The following ATP2C2 variants were observed in gnomAD, a reference collection of about 807,000 sequenced individuals.
ATP2C2 encodes the protein ATPase secretory pathway Ca2+ transporting 2, also known as calcium-transporting ATPase type 2C member 2.
In ATP2C2, 171 loss-of-function variants were observed where a neutral mutation model predicts 110.8. That is an observed-to-expected ratio of 1.54 (90% CI 1.36 to 1.75). The LOEUF (loss-of-function observed/expected upper bound fraction) is 1.75, where lower values mean the gene tolerates loss of function less well. Among genes scored for constraint, ATP2C2 ranks in the 40% most tolerant of loss-of-function variants. The probability of loss-of-function intolerance (pLI) is 0.00; values close to 1 mark genes in which losing one functional copy is unlikely to be tolerated. For missense variants in ATP2C2, 1,963 were observed against 1,235.0 expected, an observed-to-expected ratio of 1.59 and a Z score of -8.84; for synonymous variants, 804 against 508.4, an observed-to-expected ratio of 1.58 and a Z score of -7.82.
chr16:84,461,538 A>T, intron 24 of ATP2C2, 176 bp from the exon 25 acceptor site: 1 of 676,062 alleles, frequency 1.5e-6, no homozygotes. Flanking sequence ...TGCTGGGGAG[A>T]CCCTGGGGTA....
rs370106020 is a variant in ATP2C2 at position 84,451,888 on chromosome 16, G to A, written c.1661-33G>A. The A allele has an allele frequency of 7.7e-4, 1,216 of 1,587,776 alleles. 19 individuals carry two copies. The South Asian group carries it at 0.01, about 14-fold the overall frequency. On this transcript the variant is annotated intron_variant, in intron 17 of 26. Coordinates refer to ENST00000262429, the MANE Select transcript of ATP2C2 (RefSeq NM_014861.4). ...AAAAAACGACGGCCCCTAAGCCCCCGGTGACCCCTCCTTACTCCCCCTCTC... is the reference window on the plus strand; with the variant it reads ...AAAAAACGACGGCCCCTAAGCCCCCAGTGACCCCTCCTTACTCCCCCTCTC...
At chr16:84,455,222 T>C (rs111322641) in intron 21 of ATP2C2, among the ~76,000 whole-genome samples, 25 of 151,996 alleles carry the variant, frequency 1.6e-4, no homozygotes, top group African/African-American at 6.0e-4. Flanking sequence ...CCCAGGGGAA[T>C]GTTACGGATA....
chr16:84,418,680 G>A (rs1465618015), intron 7 of ATP2C2, among the ~76,000 whole-genome samples: 1 of 152,114 alleles, frequency 6.6e-6, no homozygotes, highest in African/African-American at 2.4e-5. Context: ...ACATGACCCC[G>A]GGCCTCTAGC....
At chr16:84,428,704 G>GAA (rs138468430) in intron 11 of ATP2C2, among the ~76,000 whole-genome samples, 1 of 150,558 alleles carries the variant, frequency 6.6e-6, no homozygotes, top group African/African-American at 2.4e-5. Context: ...TTCCCTTAAA[G>GAA]AAAAAAAAAT....
At chr16:84,461,681 GCCTAA>G (rs1567468798) in intron 24 of ATP2C2, 28 bp from the exon 25 acceptor site, 1 of 1,590,162 alleles carries the variant, frequency 6.3e-7, no homozygotes, top group Admixed American at 1.7e-5. Flanking sequence ...GTCTCTTCCC[GCCTAA>G]CCTCTCACCT....
In ATP2C2 at chr16:84,410,784, G is replaced by C. The variant is rs762786668; in HGVS notation, c.515+19G>C. 5 of 1,610,928 alleles carry C rather than the reference G, an allele frequency of 3.1e-6. No individual in the cohort carries two copies. The South Asian group carries it at 5.5e-5, about 18-fold the overall frequency. On this transcript the variant is annotated intron_variant, in intron 6 of 26. Coordinates refer to ENST00000262429, the MANE Select transcript of ATP2C2 (RefSeq NM_014861.4). The stretch of plus-strand genomic sequence containing the variant: ...GTAACTGGTAAGTCAGAGCCTCCCT[G>C]GGACTTTTTGGTTCACTGGAGGAGC...
At chr16:84,454,630 A>G (rs1357382030) in intron 20 of ATP2C2, among the ~76,000 whole-genome samples, 188 bp from the exon 21 acceptor site, 1 of 152,160 alleles carries the variant, frequency 6.6e-6, no homozygotes, top group African/African-American at 2.4e-5. Context: ...CACTTTGCAG[A>G]TAGGGAAACT....
At chr16:84,439,832 T>C (rs1214889048) in intron 13 of ATP2C2, among the ~76,000 whole-genome samples, 2 of 152,138 alleles carry the variant, frequency 1.3e-5, no homozygotes, top group Non-Finnish European at 2.9e-5. Context: ...AGTCCATTTG[T>C]GGTTTGTTTG....
chr16:84,438,383 G>A (rs1238793991), intron 11 of ATP2C2, among the ~76,000 whole-genome samples: 1 of 152,168 alleles, frequency 6.6e-6, no homozygotes, highest in Non-Finnish European at 1.5e-5. Context: ...GGGCCAGTCA[G>A]CCCCGATGTT....
At chr16:84,452,497 C>CTTTTTTTTTTT (rs397816630) in intron 18 of ATP2C2, among the ~76,000 whole-genome samples, 1 of 118,360 alleles carries the variant, frequency 8.4e-6, no homozygotes, top group Non-Finnish European at 1.7e-5. Flanking sequence ...CCTCTAGTTA[C>CTTTTTTTTTTT]TTTTTTTTTT....
chr16:84,439,247 G>C lies in ATP2C2; in HGVS notation c.1068G>C (p.Lys356Asn), dbSNP rs1909017531. 1 of 1,612,370 alleles carries C rather than the reference G, an allele frequency of 6.2e-7. No homozygotes were observed. The highest frequency in any genetic ancestry group is 1.3e-5 in the African/African-American group (1 of 74,876). Residue 356 changes from lysine to asparagine, a missense_variant, in exon 12 of 27, where the codon AAG (lysine) becomes AAC (asparagine). Transcript: ENST00000262429. ...TLVLGVLRMA[K>N]KRVIVKKLPI... ...TCCTGGGAGTGCTGCGGATGGCCAA[G>C]AAGCGGGTCATCGTGAAGAAGTTAC... is the stretch of plus-strand genomic sequence containing the variant.
intron 6 of ATP2C2, among the ~76,000 whole-genome samples, chr16:84,414,048 T>C (rs952162510): frequency 7.9e-5 from 12 of 151,676 alleles, no homozygotes; most frequent in African/African-American, 2.9e-4. Flanking sequence ...CCCACTGAGA[T>C]GTAATAGTGA....
chr16:84,406,816 C>T (rs963643309), intron 3 of ATP2C2, among the ~76,000 whole-genome samples: 1 of 152,088 alleles, frequency 6.6e-6, no homozygotes, highest in Non-Finnish European at 1.5e-5. Flanking sequence ...GCCCTGGCAC[C>T]CCTTCCACTA....
intron 11 of ATP2C2, among the ~76,000 whole-genome samples, chr16:84,431,002 C>T (rs1908228604): frequency 6.6e-6 from 1 of 152,034 alleles, no homozygotes; most frequent in Admixed American, 6.6e-5. Flanking sequence ...GTTTGTTTGC[C>T]CCATGAATAT....
intron 1 of ATP2C2, among the ~76,000 whole-genome samples, chr16:84,376,922 C>T (rs1253525235): frequency 2.6e-5 from 4 of 152,256 alleles, no homozygotes; most frequent in African/African-American, 9.6e-5. Flanking sequence ...GGAGAGGAAA[C>T]ATCCAATCGA....
chr16:84,449,530 T>A (rs1456605094), intron 17 of ATP2C2, among the ~76,000 whole-genome samples: 1 of 152,206 alleles, frequency 6.6e-6, no homozygotes, highest in African/African-American at 2.4e-5. Flanking sequence ...CTTCATTGAT[T>A]GCTGTGAGGA....
chr16:84,418,086 A>G (rs962113630), intron 7 of ATP2C2, among the ~76,000 whole-genome samples: 3 of 152,230 alleles, frequency 2.0e-5, no homozygotes, highest in African/African-American at 7.2e-5. Flanking sequence ...ACAGCCAGCA[A>G]GCCTGGGTCA....
chr16:84,409,908 C>T (rs1480720312), intron 4 of ATP2C2, among the ~76,000 whole-genome samples: 1 of 152,132 alleles, frequency 6.6e-6, no homozygotes, highest in African/African-American at 2.4e-5. Flanking sequence ...TTTCCTACTT[C>T]CAATTAAAAG....
At chr16:84,445,305 T>C (rs374829994) in intron 15 of ATP2C2, among the ~76,000 whole-genome samples, 10 of 151,222 alleles carry the variant, frequency 6.6e-5, no homozygotes, top group African/African-American at 2.4e-4. Flanking sequence ...GCCTCCCAGG[T>C]TCAAGCGATT....
Sources: gnomAD v4.1 joint callset for allele counts (sites outside exome capture counted in the v4.1 genomes callset) on GRCh38, gnomAD v4.1.1 for gene constraint, MANE v1.5 for transcripts, NCBI Gene and HGNC (gene_info 2026-07-23, HGNC 2026-07-21) for gene names.